Variants in TYR observed in about 807,000 individuals in gnomAD.
TYR encodes LB24-AB.
In TYR, 58 loss-of-function variants were observed where a neutral mutation model predicts 51.5. The observed-to-expected ratio is 1.13, with a 90% confidence interval of 0.91 to 1.40. TYR has a LOEUF of 1.40. Ranked by LOEUF, TYR falls within the 40% of genes most tolerant of loss-of-function variation. The probability of loss-of-function intolerance (pLI) is 0.00; values close to 1 mark genes in which losing one functional copy is unlikely to be tolerated. For synonymous variants in TYR, 263 were observed against 235.2 expected, an observed-to-expected ratio of 1.12 and a Z score of -1.08; for missense variants, 732 against 647.4, an observed-to-expected ratio of 1.13 and a Z score of -1.42.
chr11:89,279,959 T>G (rs1263700941), intron 3 of TYR, among the ~76,000 whole-genome samples: 4 of 151,762 alleles, frequency 2.6e-5, no homozygotes, highest in Non-Finnish European at 5.9e-5. Flanking sequence ...TCTCCATTTA[T>G]TAATTTGTAT....
At chr11:89,193,420 T>TTACTACAAATAATTTGC (rs1315072710) in intron 2 of TYR, among the ~76,000 whole-genome samples, 2 of 152,210 alleles carry the variant, frequency 1.3e-5, no homozygotes, top group South Asian at 2.1e-4. Flanking sequence ...AACAGCAGAT[T>TTACTACAAATAATTTGC]TACTACAAAT....
intron 2 of TYR, among the ~76,000 whole-genome samples, chr11:89,215,545 T>C (rs1172960613): frequency 1.5e-5 from 2 of 137,680 alleles, no homozygotes; most frequent in Non-Finnish European, 3.1e-5. Context: ...AAATAAAAAT[T>C]ATTGCTTTGG....
At chr11:89,190,329 G>T (rs1943426198) in intron 1 of TYR, among the ~76,000 whole-genome samples, 3 of 152,108 alleles carry the variant, frequency 2.0e-5, no homozygotes, top group Admixed American at 2.0e-4. Flanking sequence ...AGTGGGACAA[G>T]ATGTGGAGGT....
chr11:89,231,984 C>CA (rs544640718), intron 3 of TYR, among the ~76,000 whole-genome samples: 806 of 49,198 alleles, frequency 0.016, 69 homozygotes, highest in East Asian at 0.056. Flanking sequence ...GATTCCATCT[C>CA]AAAAAAAAAA....
intron 3 of TYR, among the ~76,000 whole-genome samples, chr11:89,262,846 C>CTAAAAAAAAAAAAAAAAAAAAAAAAAAA (rs1186728580): frequency 2.9e-5 from 1 of 34,216 alleles, no homozygotes; most frequent in Non-Finnish European, 4.5e-5. Flanking sequence ...AGCTACTCAT[C>CTAAAAAAAAAAAAAAAAAAAAAAAAAAA]CAAAAAAAAA....
chr11:89,284,974 A>G lies in TYR; in HGVS notation c.1366+20A>G, dbSNP rs1478855887. The stretch of plus-strand genomic sequence containing the variant: ...ATTCAGGTAAAGTTTACTTTCTTTC[A>G]GAGGAATTGCTGAATCTAGTGTTAC... On this transcript the variant is annotated intron_variant, in intron 4 of 4. Transcript: ENST00000263321. 4 of 1,604,186 alleles carry G rather than the reference A, an allele frequency of 2.5e-6. No homozygotes were observed. The highest frequency in any genetic ancestry group is 3.3e-5 in the Admixed American group (2 of 59,764).
At chr11:89,206,527 A>G (rs1023397348) in intron 2 of TYR, among the ~76,000 whole-genome samples, 2 of 152,162 alleles carry the variant, frequency 1.3e-5, no homozygotes, top group African/African-American at 4.8e-5. Flanking sequence ...GAAATAGACA[A>G]ATTCACAATT....
intron 3 of TYR, among the ~76,000 whole-genome samples, chr11:89,239,735 T>C (rs1944167145): frequency 6.6e-6 from 1 of 152,150 alleles, no homozygotes; most frequent in Non-Finnish European, 1.5e-5. Flanking sequence ...TTTAGTAGTT[T>C]GTGTTTCCAT....
intron 3 of TYR, among the ~76,000 whole-genome samples, chr11:89,274,777 C>T (rs1944632516): frequency 6.6e-6 from 1 of 151,738 alleles, no homozygotes; most frequent in Admixed American, 6.6e-5. Flanking sequence ...GGAAATTGGA[C>T]TTTCCCCTCT....
intron 3 of TYR, among the ~76,000 whole-genome samples, chr11:89,265,799 T>C (rs1362954368): frequency 4.6e-5 from 7 of 152,100 alleles, no homozygotes; most frequent in Non-Finnish European, 8.8e-5. Context: ...TGGCAATTAA[T>C]ATTTTTAACT....
chr11:89,195,090 G>A (rs967019617), intron 2 of TYR, among the ~76,000 whole-genome samples: 3 of 152,162 alleles, frequency 2.0e-5, no homozygotes, highest in African/African-American at 4.8e-5. Flanking sequence ...ATAGCAGTGA[G>A]GACAGTAGGA....
At chr11:89,283,893 T>A (rs1944749638) in intron 3 of TYR, 1 of 151,834 alleles carries the variant, frequency 6.6e-6, no homozygotes, top group Admixed American at 6.6e-5. Flanking sequence ...GAAAAGAATT[T>A]GCTGAGAGGC....
intron 3 of TYR, among the ~76,000 whole-genome samples, chr11:89,267,080 A>G (rs2135311666): frequency 6.6e-6 from 1 of 152,030 alleles, no homozygotes; most frequent in African/African-American, 2.4e-5. Flanking sequence ...AGTGAAATCT[A>G]CCACAGTTGG....
intron 3 of TYR, among the ~76,000 whole-genome samples, chr11:89,259,352 T>G (rs1288501663): frequency 1.3e-5 from 2 of 152,070 alleles, no homozygotes; most frequent in East Asian, 3.9e-4. Context: ...TTGGCCTTAT[T>G]CTTTTTAGTC....
At chr11:89,259,397 T>C (rs1259704932) in intron 3 of TYR, among the ~76,000 whole-genome samples, 1 of 152,116 alleles carries the variant, frequency 6.6e-6, no homozygotes, top group Admixed American at 6.6e-5. Context: ...TTTAAACTTC[T>C]ATCACTGAGA....
At chr11:89,205,606 A>G (rs1591153189) in intron 2 of TYR, among the ~76,000 whole-genome samples, 2 of 152,254 alleles carry the variant, frequency 1.3e-5, no homozygotes, top group Admixed American at 1.3e-4. Context: ...GCTGAAAAAA[A>G]TGAACTGTTA....
At position 89,288,687 on chromosome 11, in the gene TYR, T is replaced by C. The variant is rs1590905309; in HGVS notation, c.1366+3733T>C. 2.0e-5 allele frequency among the ~76,000 whole-genome samples: 3 copies of C among 152,006 alleles called. No individual in the cohort carries two copies. In the East Asian group the frequency reaches 5.8e-4, roughly 29 times the overall value. ...GGGAGGCTGAGGCAGGAGGTTCTCTTAAGCCCAGGAGTGTGAGGCCAGTTT... is the reference window on the plus strand; with the variant it reads ...GGGAGGCTGAGGCAGGAGGTTCTCTCAAGCCCAGGAGTGTGAGGCCAGTTT... On this transcript the variant is annotated intron_variant, in intron 4 of 4. Coordinates refer to ENST00000263321, the MANE Select transcript of TYR (RefSeq NM_000372.5).
chr11:89,204,541 C>T (rs2135264011), intron 2 of TYR, among the ~76,000 whole-genome samples: 1 of 151,820 alleles, frequency 6.6e-6, no homozygotes, highest in South Asian at 2.1e-4. Context: ...ATTGCAGGTG[C>T]CCACCAACAA....
At chr11:89,224,126 C>A (rs77897288) in intron 2 of TYR, among the ~76,000 whole-genome samples, 1 of 152,018 alleles carries the variant, frequency 6.6e-6, no homozygotes, top group Non-Finnish European at 1.5e-5. Flanking sequence ...GAGGGAGATG[C>A]GTGATGCTAG....
Sources: gnomAD v4.1 joint callset for allele counts (sites outside exome capture counted in the v4.1 genomes callset) on GRCh38, gnomAD v4.1.1 for gene constraint, MANE v1.5 for transcripts, NCBI Gene and HGNC (gene_info 2026-07-23, HGNC 2026-07-21) for gene names.